Variants in DOCK3 observed in about 807,000 individuals in gnomAD.
DOCK3 encodes dedicator of cytokinesis protein 3.
Under a neutral mutation model 265.6 loss-of-function variants are expected in DOCK3, and 60 were observed. The ratio of observed to expected loss-of-function variants is 0.23; its 90% CI spans 0.18 to 0.28. DOCK3 has a LOEUF of 0.28. DOCK3 is among the 10% of genes least tolerant of loss of function. The pLI is 1.00. For missense variants in DOCK3, 1,981 were observed against 2,594.3 expected (o/e 0.76, Z 5.14); for synonymous variants, 881 against 938.0 (o/e 0.94, Z 1.11).
At chr3:50,895,197 A>G (rs993197872) in intron 4 of DOCK3, among the ~76,000 whole-genome samples, 1 of 144,156 alleles carries the variant, frequency 6.9e-6, no homozygotes, top group East Asian at 2.0e-4. Context: ...ACCTTATTTT[A>G]TCCCCGCTTT....
intron 5 of DOCK3, among the ~76,000 whole-genome samples, chr3:51,033,425 T>C (rs2080132505): frequency 6.6e-6 from 1 of 152,218 alleles, no homozygotes; most frequent in Non-Finnish European, 1.5e-5. Flanking sequence ...TTCCACCTTT[T>C]AGTAGCCATT....
chr3:51,320,880 G>A (rs1035831836), intron 32 of DOCK3, among the ~76,000 whole-genome samples: 7 of 152,236 alleles, frequency 4.6e-5, no homozygotes, highest in Non-Finnish European at 1.5e-5. Flanking sequence ...CCTGGGGGAA[G>A]GGGCAGCTGT....
At chr3:51,004,519 C>T (rs1559923330) in intron 5 of DOCK3, among the ~76,000 whole-genome samples, 1 of 151,986 alleles carries the variant, frequency 6.6e-6, no homozygotes, top group East Asian at 1.9e-4. Flanking sequence ...GTTTAGGTTT[C>T]TCTTGTCATA....
chr3:50,866,408 C>G (rs1329775275), intron 3 of DOCK3, among the ~76,000 whole-genome samples: 1 of 151,990 alleles, frequency 6.6e-6, no homozygotes, highest in Non-Finnish European at 1.5e-5. Context: ...TCCCTTGAAC[C>G]AGGGAGTCAG....
chr3:50,842,125 G>A (rs1387632358), intron 3 of DOCK3, among the ~76,000 whole-genome samples: 1 of 152,060 alleles, frequency 6.6e-6, no homozygotes, highest in East Asian at 1.9e-4. Context: ...ATTGAAATAT[G>A]AATTTAAACA....
intron 22 of DOCK3, among the ~76,000 whole-genome samples, chr3:51,254,092 A>G (rs984886731): frequency 7.2e-5 from 11 of 152,314 alleles, no homozygotes; most frequent in African/African-American, 2.6e-4. Flanking sequence ...GTTTCGAAGA[A>G]CATCTTTATT....
intron 9 of DOCK3, among the ~76,000 whole-genome samples, chr3:51,092,420 G>A (rs2082673933): frequency 1.3e-5 from 2 of 152,316 alleles, no homozygotes; most frequent in East Asian, 1.9e-4. Context: ...ACTGGGCGGA[G>A]CCCACTGCAG....
At chr3:50,923,703 C>T (rs1414171653) in intron 4 of DOCK3, among the ~76,000 whole-genome samples, 1 of 152,186 alleles carries the variant, frequency 6.6e-6, no homozygotes, top group Non-Finnish European at 1.5e-5. Flanking sequence ...GTTTCTCTAC[C>T]TGGTCACAGA....
chr3:51,225,641 C>A lies in DOCK3; in HGVS notation c.1253-8C>A. 1 of 1,607,268 alleles carries A rather than the reference C, an allele frequency of 6.2e-7. No homozygotes were observed. Among genetic ancestry groups the A allele is most frequent in the South Asian group, 1.1e-5 (1 of 89,674 alleles). On this transcript the variant is annotated splice_region_variant and splice_polypyrimidine_tract_variant and intron_variant, in intron 14 of 52. Transcript: ENST00000266037. ...AGTCATAAGGATGTGGCATTTCTTT[C>A]CCCGCAGGTGATATCCGCAATGACC...
intron 1 of DOCK3, among the ~76,000 whole-genome samples, chr3:50,734,716 T>C (rs2038465517): frequency 6.8e-6 from 1 of 147,712 alleles, no homozygotes; most frequent in Admixed American, 6.9e-5. Context: ...CATTCTCCTG[T>C]GTCAGCCTCC....
intron 2 of DOCK3, among the ~76,000 whole-genome samples, chr3:50,833,507 G>A (rs1344596322): frequency 6.6e-6 from 1 of 152,040 alleles, no homozygotes; most frequent in African/African-American, 2.4e-5. Flanking sequence ...TTTTTTAAAA[G>A]CCAAGCCCAG....
rs779440162 is a variant in DOCK3 at position 51,360,547 on chromosome 3, T to G, written c.4921T>G (p.Ser1641Ala). Residue 1641 changes from serine to alanine, a missense_variant, in exon 47 of 53, where the codon TCA becomes GCA. Coordinates refer to ENST00000266037, the MANE Select transcript of DOCK3 (RefSeq NM_004947.5). ...PGLDKLSPAC[S>A]GTSTPRGNVL... ...TTTGGATAAGCTAAGTCCTGCATGT[T>G]CAGGCACCAGCACCCCACGGGGAAA... is the stretch of plus-strand genomic sequence containing the variant. The G allele has an allele frequency of 6.2e-7, 1 of 1,613,018 alleles. No homozygotes were observed. The highest frequency in any genetic ancestry group is 8.5e-7 in the Non-Finnish European group (1 of 1,179,496).
chr3:50,797,167 C>T (rs1193012250), intron 2 of DOCK3, among the ~76,000 whole-genome samples: 2 of 152,140 alleles, frequency 1.3e-5, no homozygotes, highest in East Asian at 1.9e-4. Context: ...TGCAGGCATT[C>T]ACCACAGTGG....
intron 3 of DOCK3, among the ~76,000 whole-genome samples, chr3:50,873,109 G>T (rs2047513295): frequency 6.6e-6 from 1 of 152,124 alleles, no homozygotes; most frequent in African/African-American, 2.4e-5. Flanking sequence ...CAGAAGGCTT[G>T]CCCGGTAGCC....
intron 2 of DOCK3, among the ~76,000 whole-genome samples, chr3:50,802,807 C>G (rs2043140537): frequency 6.6e-6 from 1 of 152,012 alleles, no homozygotes; most frequent in African/African-American, 2.4e-5. Context: ...CTTCCTGGTT[C>G]TGGATGTCCA....
intron 12 of DOCK3, among the ~76,000 whole-genome samples, chr3:51,204,278 C>G (rs1411157952): frequency 1.4e-5 from 2 of 146,880 alleles, no homozygotes; most frequent in Middle Eastern, 3.6e-3. Flanking sequence ...TGACAAAGGG[C>G]TAATATCCAG....
chr3:51,359,589 A>G lies in DOCK3; in HGVS notation c.4885-922A>G, dbSNP rs557065849. Reference sequence around the variant, plus strand: ...TGTGTGCAAACTTCCCCATCACAGCAGGTGACCCAAGCAGGCTGGAGCCTG... The same window carrying G: ...TGTGTGCAAACTTCCCCATCACAGCGGGTGACCCAAGCAGGCTGGAGCCTG... On this transcript the variant is annotated intron_variant, in intron 46 of 52. Coordinates refer to ENST00000266037, the MANE Select transcript of DOCK3 (RefSeq NM_004947.5). This position sits in a 1 kb window ranked among gnomAD's most constrained non-coding sequence, Gnocchi z 4.8. 5.3e-5 allele frequency among the ~76,000 whole-genome samples: 8 copies of G among 152,330 alleles called. No individual in the cohort carries two copies. In the South Asian group the frequency reaches 1.7e-3, roughly 32 times the overall value.
Position 51,375,863 on chromosome 3 carries a change from C to A in DOCK3, c.5500+28C>A, listed in dbSNP as rs766041601. The stretch of plus-strand genomic sequence containing the variant: ...ATTGTTGCCCAGGTGGCCTTCCCCC[C>A]ATGTCTGTCCCCATCCTGAGTGTCT... On this transcript the variant is annotated intron_variant, in intron 51 of 52. Transcript: ENST00000266037. 1.5e-5 allele frequency: 24 copies of A among 1,612,210 alleles called. No homozygotes were observed. The Admixed American group carries it at 1.8e-4, about 12-fold the overall frequency.
intron 23 of DOCK3, among the ~76,000 whole-genome samples, chr3:51,260,536 T>C (rs138283269): frequency 9.3e-4 from 142 of 152,324 alleles, no homozygotes; most frequent in African/African-American, 3.3e-3. Context: ...AACAGCTCAG[T>C]GGCTTTATGT....
Sources: gnomAD v4.1 joint callset for allele counts (sites outside exome capture counted in the v4.1 genomes callset) on GRCh38, gnomAD v4.1.1 for gene constraint, Gnocchi (gnomAD v3.1) non-coding constraint, MANE v1.5 for transcripts, NCBI Gene and HGNC (gene_info 2026-07-23, HGNC 2026-07-21) for gene names.